Variants in GRIK4 observed in about 807,000 individuals in gnomAD.
GRIK4 encodes glutamate receptor ionotropic, kainate 4.
GRIK4 carries 40 observed loss-of-function variants against 104.9 expected under a neutral mutation model. The observed-to-expected ratio is 0.38, with a 90% CI of 0.30 to 0.50. The LOEUF is 0.50. GRIK4 is among the 20% of genes least tolerant of loss of function. GRIK4 has a pLI of 0.93. For missense variants in GRIK4, 1,047 were observed against 1,308.1 expected (o/e 0.80, Z 3.08); for synonymous variants, 485 against 524.9 (o/e 0.92, Z 1.04).
intron 3 of GRIK4, among the ~76,000 whole-genome samples, chr11:120,751,961 C>T (rs1180088328): frequency 6.6e-6 from 1 of 152,098 alleles, no homozygotes; most frequent in Admixed American, 6.5e-5. Context: ...TGGGGAGACA[C>T]CCTCTGAGGA....
At chr11:120,716,903 C>T (rs910392304) in intron 3 of GRIK4, among the ~76,000 whole-genome samples, 5 of 152,180 alleles carry the variant, frequency 3.3e-5, no homozygotes, top group Non-Finnish European at 7.4e-5. Context: ...TTTATCAGCT[C>T]AGGGCCCTGG....
At chr11:120,794,618 G>T (rs1216436158) in intron 3 of GRIK4, among the ~76,000 whole-genome samples, 1 of 152,260 alleles carries the variant, frequency 6.6e-6, no homozygotes, top group Admixed American at 6.5e-5. Context: ...CAGGGAGAAG[G>T]TGCCATCCGC....
At chr11:120,810,500 G>C (rs1246621169) in intron 4 of GRIK4, among the ~76,000 whole-genome samples, 1 of 152,196 alleles carries the variant, frequency 6.6e-6, no homozygotes, top group Non-Finnish European at 1.5e-5. Flanking sequence ...ATCTGAGCTG[G>C]ATGCTGAAGT....
intron 3 of GRIK4, among the ~76,000 whole-genome samples, chr11:120,736,712 G>A (rs1951227528): frequency 6.6e-6 from 1 of 152,058 alleles, no homozygotes; most frequent in Admixed American, 6.6e-5. Flanking sequence ...GTATAGAAGA[G>A]GTAAGGTTGT....
At chr11:120,534,787 C>T (rs893765876) in intron 1 of GRIK4, among the ~76,000 whole-genome samples, 1 of 152,082 alleles carries the variant, frequency 6.6e-6, no homozygotes, top group Non-Finnish European at 1.5e-5. Flanking sequence ...CCTCTGCAGC[C>T]CAGCTGAGGA....
intron 16 of GRIK4, among the ~76,000 whole-genome samples, chr11:120,958,417 G>C (rs903125464): frequency 6.6e-6 from 1 of 152,238 alleles, no homozygotes; most frequent in South Asian, 2.1e-4. Flanking sequence ...CCCGACTCCA[G>C]GTGGTCACTG....
intron 13 of GRIK4, among the ~76,000 whole-genome samples, chr11:120,937,843 CT>C (rs1943631427): frequency 6.6e-6 from 1 of 152,208 alleles, no homozygotes; most frequent in African/African-American, 2.4e-5. Flanking sequence ...AGTTGGCCAA[CT>C]TTTATCGACT....
At chr11:120,778,818 G>A (rs1337760765) in intron 3 of GRIK4, among the ~76,000 whole-genome samples, 1 of 152,214 alleles carries the variant, frequency 6.6e-6, no homozygotes, top group Non-Finnish European at 1.5e-5. Context: ...GCAGCCTATG[G>A]ATGCCTTTGT....
chr11:120,925,406 G>A lies in GRIK4; in HGVS notation c.1477-14941G>A, dbSNP rs2134585048. 1.3e-5 allele frequency among the ~76,000 whole-genome samples: 2 copies of A among 152,262 alleles called. 1 individual carries two copies. Among genetic ancestry groups the A allele is most frequent in the South Asian group, 4.1e-4 (2 of 4,824 alleles). ...CCCCCGATCACGCCTGGAACCCATAGCCTCGAAATAAGTGTAGGGCTGGCT... is the reference window on the plus strand; with the variant it reads ...CCCCCGATCACGCCTGGAACCCATAACCTCGAAATAAGTGTAGGGCTGGCT... On this transcript the variant is annotated intron_variant, in intron 13 of 20. Coordinates refer to ENST00000527524, the MANE Select transcript of GRIK4 (RefSeq NM_014619.5).
chr11:120,934,842 T>C (rs1943562111), intron 13 of GRIK4, among the ~76,000 whole-genome samples: 1 of 152,172 alleles, frequency 6.6e-6, no homozygotes, highest in Non-Finnish European at 1.5e-5. Context: ...CTGCTTCCCT[T>C]CACCTGTCCT....
At chr11:120,895,378 C>T (rs1942549914) in intron 11 of GRIK4, among the ~76,000 whole-genome samples, 1 of 152,136 alleles carries the variant, frequency 6.6e-6, no homozygotes, top group Non-Finnish European at 1.5e-5. Flanking sequence ...GTTCTTTCTG[C>T]CTAAATATAG....
chr11:120,858,446 A>G (rs1363668772), intron 8 of GRIK4: 1 of 152,130 alleles, frequency 6.6e-6, no homozygotes. Flanking sequence ...CCAGGCACTC[A>G]TGGATTTTGG....
intron 3 of GRIK4, among the ~76,000 whole-genome samples, chr11:120,792,848 A>G (rs746948335): frequency 5.4e-4 from 82 of 152,166 alleles, no homozygotes; most frequent in Non-Finnish European, 1.8e-4. Flanking sequence ...AAGCACACCC[A>G]TGGAGGCGGC....
chr11:120,758,722 A>G (rs1433298507), intron 3 of GRIK4, among the ~76,000 whole-genome samples: 1 of 152,194 alleles, frequency 6.6e-6, no homozygotes, highest in Non-Finnish European at 1.5e-5. Context: ...ACAGAAGACA[A>G]AGGGAGAGGG....
intron 18 of GRIK4, among the ~76,000 whole-genome samples, chr11:120,963,914 C>A (rs1339025761): frequency 2.0e-5 from 3 of 151,986 alleles, no homozygotes; most frequent in African/African-American, 7.2e-5. Flanking sequence ...TCACACTGAG[C>A]CTACCTTGGG....
chr11:120,568,802 G>T (rs911833389), intron 1 of GRIK4, among the ~76,000 whole-genome samples: 1 of 152,116 alleles, frequency 6.6e-6, no homozygotes, highest in Non-Finnish European at 1.5e-5. Flanking sequence ...TCCCCACCCA[G>T]CAGTAATTAA....
intron 14 of GRIK4, among the ~76,000 whole-genome samples, chr11:120,942,184 T>C (rs1411846606): frequency 1.3e-5 from 2 of 152,190 alleles, no homozygotes; most frequent in African/African-American, 2.4e-5. Flanking sequence ...AGGGGGCAGG[T>C]ATGATAATTC....
intron 16 of GRIK4, among the ~76,000 whole-genome samples, chr11:120,958,703 G>A (rs372717936): frequency 1.3e-5 from 2 of 152,330 alleles, no homozygotes; most frequent in African/African-American, 2.4e-5. Context: ...GCACTGAGCC[G>A]CTTGTGCCCT....
At chr11:120,778,650 AGTTCTG>A (rs148301106) in intron 3 of GRIK4, among the ~76,000 whole-genome samples, 4,568 of 152,318 alleles carry the variant, frequency 0.03, 181 homozygotes, top group African/African-American at 0.085. Flanking sequence ...TAGATTACCC[AGTTCTG>A]GATGCTGAGA....
Sources: allele counts gnomAD v4.1 joint callset (sites outside exome capture counted in the v4.1 genomes callset), GRCh38; gene constraint gnomAD v4.1.1; transcripts MANE v1.5; gene names NCBI Gene and HGNC (gene_info 2026-07-23, HGNC 2026-07-21).